KLHDC1: variants seen among roughly 807,000 people sequenced by gnomAD.
KLHDC1 encodes the protein kelch domain-containing protein 1.
In KLHDC1, 53 loss-of-function variants were observed where a neutral mutation model predicts 68.3. That is an observed-to-expected ratio of 0.78 (90% CI 0.62 to 0.98). KLHDC1 has a LOEUF of 0.98. Among genes scored for constraint, KLHDC1 ranks in the 50% least tolerant of loss-of-function variants. The pLI is 0.00. For synonymous variants in KLHDC1, 148 were observed against 159.0 expected (o/e 0.93, Z 0.52); for missense variants, 470 against 492.3 (o/e 0.95, Z 0.43).
chr14:49,749,655 G>C (rs189484235), intron 12 of KLHDC1, among the ~76,000 whole-genome samples: 62 of 134,242 alleles, frequency 4.6e-4, no homozygotes, highest in African/African-American at 1.7e-3. Context: ...TCCAGCCTGC[G>C]CAACAGAGTG....
intron 4 of KLHDC1, among the ~76,000 whole-genome samples, chr14:49,721,417 A>C (rs1437689628): frequency 6.6e-6 from 1 of 152,050 alleles, no homozygotes; most frequent in Non-Finnish European, 1.5e-5. Context: ...TCCTGCCCTC[A>C]AGCAATCCGC....
chr14:49,693,308 G>A lies in KLHDC1; in HGVS notation c.96+18G>A. The A allele has an allele frequency of 6.7e-7, 1 of 1,488,658 alleles. No homozygotes were observed. The highest frequency in any genetic ancestry group is 9.0e-7 in the Non-Finnish European group (1 of 1,111,674). The allele number at this position is 1,488,658 out of a possible 1,614,324, so 92.2% of individuals were successfully genotyped here. A position where few individuals can be genotyped will look rare whatever the true frequency, so the allele number is the denominator to read the frequency against. On this transcript the variant is annotated intron_variant, in intron 1 of 12. Transcript: ENST00000359332. ...GCTACGTGGTAAGGGGAAGAGGCGG[G>A]ACGGGGTAGACTCGCGCCGGGAGAC...
At chr14:49,735,126 G>A (rs981921946) in intron 10 of KLHDC1, among the ~76,000 whole-genome samples, 13 of 151,594 alleles carry the variant, frequency 8.6e-5, no homozygotes, top group Non-Finnish European at 1.5e-4. Flanking sequence ...ACTGCATGAT[G>A]TATTCATTGA....
intron 1 of KLHDC1, among the ~76,000 whole-genome samples, chr14:49,697,733 G>A (rs1887784605): frequency 6.6e-6 from 1 of 152,166 alleles, no homozygotes; most frequent in African/African-American, 2.4e-5. Context: ...AGTACCAGTA[G>A]GGGAAAATTA....
chr14:49,693,769 TGGAG>T (rs1566589232), intron 1 of KLHDC1, among the ~76,000 whole-genome samples: 17 of 54,150 alleles, frequency 3.1e-4, no homozygotes, highest in South Asian at 2.1e-3. Context: ...TTTTTTGAGA[TGGAG>T]TTTCGCTCTT....
At chr14:49,708,404 T>G (rs1418866492) in intron 1 of KLHDC1, 2 of 152,222 alleles carry the variant, frequency 1.3e-5, no homozygotes, top group Admixed American at 1.3e-4. Flanking sequence ...CTGGTTATTT[T>G]TGAACTATTA....
intron 1 of KLHDC1, among the ~76,000 whole-genome samples, chr14:49,703,412 A>G (rs374438527): frequency 6.7e-6 from 1 of 149,778 alleles, no homozygotes; most frequent in Non-Finnish European, 1.5e-5. Flanking sequence ...ACATGATCTT[A>G]GCTCACTGCA....
intron 1 of KLHDC1, chr14:49,700,274 G>C (rs1432659569): frequency 1.8e-5 from 3 of 167,822 alleles, no homozygotes; most frequent in African/African-American, 7.2e-5. Flanking sequence ...TGATCCACCT[G>C]CCTCGGCCTC....
chr14:49,706,042 A>G (rs1045028721), intron 1 of KLHDC1, among the ~76,000 whole-genome samples: 4 of 152,186 alleles, frequency 2.6e-5, no homozygotes, highest in Non-Finnish European at 4.4e-5. Flanking sequence ...ATTATTGACT[A>G]TAGTCACCCT....
chr14:49,707,295 T>TGAGA (rs778638903), intron 1 of KLHDC1, among the ~76,000 whole-genome samples: 2,094 of 139,828 alleles, frequency 0.015, 48 homozygotes, highest in African/African-American at 0.042. Context: ...TGTGTGTGTG[T>TGAGA]GTGAGAGAGA....
At chr14:49,743,072 C>CAAAAAAAAAAAAAAAAAAAAA (rs55778725) in intron 11 of KLHDC1, among the ~76,000 whole-genome samples, 1 of 58,350 alleles carries the variant, frequency 1.7e-5, no homozygotes, top group Non-Finnish European at 3.0e-5. Context: ...ACCCTGTCTC[C>CAAAAAAAAAAAAAAAAAAAAA]AAAAAAAAAA....
intron 4 of KLHDC1, among the ~76,000 whole-genome samples, chr14:49,723,087 C>CAA (rs144318637): frequency 5.5e-5 from 3 of 54,782 alleles, no homozygotes; most frequent in South Asian, 1.2e-3. Flanking sequence ...GACTCTGTCT[C>CAA]AAAAAAAAAA....
intron 11 of KLHDC1, 140 bp from the exon 12 acceptor site, chr14:49,743,613 G>A (rs1470730849): frequency 3.6e-6 from 2 of 561,470 alleles, no homozygotes; most frequent in East Asian, 3.0e-5. Flanking sequence ...ATGAATTTAT[G>A]TGTGTGTGTC....
chr14:49,700,861 AC>A (rs1887885126), intron 1 of KLHDC1, among the ~76,000 whole-genome samples: 1 of 152,142 alleles, frequency 6.6e-6, no homozygotes, highest in Non-Finnish European at 1.5e-5. Context: ...CAGGCGGATC[AC>A]CTGAGGTCAG....
Position 49,732,796 on chromosome 14 carries a change from G to A in KLHDC1, c.803G>A (p.Ser268Asn). 1 of 1,547,226 alleles carries A rather than the reference G, an allele frequency of 6.5e-7. No homozygotes were observed. Among genetic ancestry groups the A allele is most frequent in the Non-Finnish European group, 8.9e-7 (1 of 1,119,562 alleles). ...DDKLFLCGGL[S>N]ADNIPLSDGW... ...AAACTTTTCCTATGTGGTGGACTAA[G>A]TGCAGATAATATCCCATTAAGTAAG... The change falls in exon 9 of 13, where the codon AGT becomes AAT. Residue 268 changes from serine to asparagine, a missense_variant. Physicochemically the swap from Ser to Asn is conservative, Grantham distance 46 (BLOSUM62 1). Transcript: ENST00000359332.
intron 1 of KLHDC1, among the ~76,000 whole-genome samples, chr14:49,694,760 A>G (rs148800500): frequency 5.1e-4 from 78 of 152,294 alleles, no homozygotes; most frequent in African/African-American, 1.8e-3. Flanking sequence ...AGGCTGAGGC[A>G]GGAGAATCAC....
At chr14:49,693,748 C>CTTCTTTTTTTTTTTTTTTTTTTTTTT (rs1887645004) in intron 1 of KLHDC1, among the ~76,000 whole-genome samples, 2 of 61,540 alleles carry the variant, frequency 3.2e-5, no homozygotes, top group Non-Finnish European at 6.8e-5. Flanking sequence ...TTTTCTTTTT[C>CTTCTTTTTTTTTTTTTTTTTTTTTTT]TTTTTTTTTT....
intron 2 of KLHDC1, 38 bp downstream of exon 2, chr14:49,709,267 A>G (rs1270998198): frequency 3.5e-6 from 3 of 859,702 alleles, no homozygotes; most frequent in African/African-American, 1.7e-5. Context: ...TGATCTTAAT[A>G]TCTATTATAA....
intron 10 of KLHDC1, among the ~76,000 whole-genome samples, chr14:49,737,541 A>G (rs761108697): frequency 1.9e-4 from 29 of 152,158 alleles, no homozygotes; most frequent in Admixed American, 1.3e-3. Flanking sequence ...TGTTTTAGGT[A>G]TCTGTTGCTT....
Sources: gnomAD v4.1 joint callset for allele counts (sites outside exome capture counted in the v4.1 genomes callset) on GRCh38, gnomAD v4.1.1 for gene constraint, MANE v1.5 for transcripts, NCBI Gene and HGNC (gene_info 2026-07-23, HGNC 2026-07-21) for gene names.